Variants in SLC44A4 observed in about 807,000 individuals in gnomAD.
SLC44A4 encodes the protein choline transporter-like protein 4.
Under a neutral mutation model 97.0 loss-of-function variants are expected in SLC44A4, and 74 were observed. That is an observed-to-expected ratio of 0.76 (90% confidence interval 0.63 to 0.93). SLC44A4 has a LOEUF of 0.93. SLC44A4 is among the 40% of genes least tolerant of loss of function. SLC44A4 has a pLI of 0.00. For synonymous variants in SLC44A4, 325 were observed against 363.8 expected (o/e 0.89, Z 1.21); for missense variants, 799 against 902.9 (o/e 0.88, Z 1.48).
At chr6:31,869,014 C>G (rs1037135429) in intron 13 of SLC44A4, 141 bp downstream of exon 13, 2 of 628,890 alleles carry the variant, frequency 3.2e-6, no homozygotes, top group African/African-American at 3.7e-5. Flanking sequence ...TTTCTTCTAG[C>G]TCTGCTGGGG....
In SLC44A4 at chr6:31,865,173, G is replaced by T; in HGVS notation, c.1761-93C>A. Reference sequence around the variant, plus strand: ...TAATTTGTGGGGACTGGTGCAAAATGAAAATTGTTCACGTTTCAAGATGGC... The same window carrying T: ...TAATTTGTGGGGACTGGTGCAAAATTAAAATTGTTCACGTTTCAAGATGGC... On this transcript the variant is annotated intron_variant, in intron 17 of 20. Transcript: ENST00000229729. This position sits in a 1 kb window ranked among gnomAD's most constrained non-coding sequence, Gnocchi z 5.2. 6.4e-7 allele frequency: 1 copy of T among 1,550,956 alleles called. No homozygotes were observed. The highest frequency in any genetic ancestry group is 8.9e-7 in the Non-Finnish European group (1 of 1,123,122).
rs1316875424 is a variant in SLC44A4 at position 31,878,282 on chromosome 6, C to T, written c.40+659G>A. On this transcript the variant is annotated intron_variant, in intron 1 of 20. Transcript: ENST00000229729. The surrounding 1 kb of genome is among the most constrained non-coding windows in gnomAD (Gnocchi z 4.0). The stretch of plus-strand genomic sequence containing the variant: ...CCCCAAGACCAGCTCCTGCTCCTAG[C>T]TCCTCACAGAGACCCCTAGGCAGGA... 1.2e-4 allele frequency among the ~76,000 whole-genome samples: 18 copies of T among 151,972 alleles called. No individual in the cohort carries two copies. Among genetic ancestry groups the T allele is most frequent in the African/African-American group, 4.1e-4 (17 of 41,340 alleles).
Position 31,866,200 on chromosome 6 carries a change from C to A in SLC44A4, c.1234-74G>T, listed in dbSNP as rs530077281. 1.7e-4 allele frequency: 268 copies of A among 1,549,766 alleles called. No individual in the cohort carries two copies. In the African/African-American group the frequency reaches 3.0e-3, roughly 17 times the overall value. On this transcript the variant is annotated intron_variant, in intron 13 of 20. Transcript: ENST00000229729. Reference sequence around the variant, plus strand: ...GTATGGAGCCTGGGCGTCCCATTCCCAGTAGCTCCTGCCCCTCCCAGAGTT... The same window carrying A: ...GTATGGAGCCTGGGCGTCCCATTCCAAGTAGCTCCTGCCCCTCCCAGAGTT...
Position 31,877,558 on chromosome 6 carries a change from C to A in SLC44A4, c.41-476G>T. 1.0e-6 allele frequency: 1 copy of A among 992,152 alleles called. No homozygotes were observed. Among genetic ancestry groups the A allele is most frequent in the South Asian group, 4.6e-5 (1 of 21,774 alleles). 61.5% of individuals were successfully genotyped at this position (992,152 alleles called of 1,614,324 possible). A position where few individuals can be genotyped will look rare whatever the true frequency, so the allele number is the denominator to read the frequency against. On this transcript the variant is annotated intron_variant, in intron 1 of 20. Transcript: ENST00000229729. The surrounding 1 kb of genome is among the most constrained non-coding windows in gnomAD (Gnocchi z 6.5). ...TTCCCCTATCTGCCCCAGGCCCTAC[C>A]TTACCCTCTGGTTCAAGGCTATGGG...
At chr6:31,863,798 G>A in intron 20 of SLC44A4, 50 bp from the exon 21 acceptor site, 1 of 1,608,298 alleles carries the variant, frequency 6.2e-7, no homozygotes, top group Non-Finnish European at 8.5e-7. Flanking sequence ...CCAGGAAATC[G>A]GGGACTGGGA....
Position 31,867,063 on chromosome 6 carries a change from C to G in SLC44A4, c.1234-937G>C, listed in dbSNP as rs181761679. Among the ~76,000 whole-genome samples, 1,011 of 152,010 alleles carry G rather than the reference C, an allele frequency of 6.7e-3. 9 individuals are homozygous for G. The highest frequency in any genetic ancestry group is 0.023 in the African/African-American group (952 of 41,450). ...AAAAGTCACAAATTAAAAAGCAACCCTTTCTAGCAAATATAACCAAAAAAA... is the reference window on the plus strand; with the variant it reads ...AAAAGTCACAAATTAAAAAGCAACCGTTTCTAGCAAATATAACCAAAAAAA... On this transcript the variant is annotated intron_variant, in intron 13 of 20. Transcript: ENST00000229729.
In SLC44A4 at chr6:31,874,649, C is replaced by G; in HGVS notation, c.468+72G>C. 1 of 1,564,712 alleles carries G rather than the reference C, an allele frequency of 6.4e-7. No homozygotes were observed. Among genetic ancestry groups the G allele is most frequent in the East Asian group, 2.2e-5 (1 of 44,576 alleles). Reference sequence around the variant, plus strand: ...AGAGCCAACCTGGTGATGATCTACCCAACTCCCCCTCCCTCTCGTGCCCAC... The same window carrying G: ...AGAGCCAACCTGGTGATGATCTACCGAACTCCCCCTCCCTCTCGTGCCCAC... On this transcript the variant is annotated intron_variant, in intron 6 of 20. Coordinates refer to ENST00000229729, the MANE Select transcript of SLC44A4 (RefSeq NM_025257.3). This position sits in a 1 kb window ranked among gnomAD's most constrained non-coding sequence, Gnocchi z 4.8.
rs750457032 is a variant in SLC44A4, at chr6:31,870,851, T to G, written c.898A>C (p.Ser300Arg). Reference protein sequence around the residue: ...ISQLGFTTNLSAYQSVQETWL... With the variant: ...ISQLGFTTNLRAYQSVQETWL... ...GTCTCCTGCACGCTCTGGTAGGCAC[T>G]GAGGTTGGTGGTGAAACCCAGCTGG... The change falls in exon 10 of 21, where the codon AGT becomes CGT. Residue 300 changes from serine to arginine, a missense_variant. Coordinates refer to ENST00000229729, the MANE Select transcript of SLC44A4 (RefSeq NM_025257.3). 6.2e-7 allele frequency: 1 copy of G among 1,613,022 alleles called. No individual in the cohort carries two copies. The highest frequency in any genetic ancestry group is 1.1e-5 in the South Asian group (1 of 91,082).
rs116748007 is a variant in SLC44A4, at chr6:31,869,178, T to C, written c.1210A>G (p.Ile404Val). 1.2e-6 allele frequency: 2 copies of C among 1,610,584 alleles called. No individual in the cohort carries two copies. Among genetic ancestry groups the C allele is most frequent in the East Asian group, 2.2e-5 (1 of 44,848 alleles). ...ACCGTGGGGTTGCATGATGTATTTA[T>C]TGGCACTTTCTCACAGCCGGGGGAG... ...ISSPGCEKVP[I>V]NTSCNPTAHL... is the part of the protein sequence containing the mutation. The change falls in exon 13 of 21, where the codon ATA (isoleucine) becomes GTA (valine). Residue 404 changes from isoleucine to valine, a missense_variant. Transcript: ENST00000229729.
rs1044696110 is a variant in SLC44A4, at chr6:31,878,412, G to C, written c.40+529C>G. Among the ~76,000 whole-genome samples the C allele has an allele frequency of 2.0e-5, 3 of 151,706 alleles. No homozygotes were observed. The highest frequency in any genetic ancestry group is 4.4e-5 in the Non-Finnish European group (3 of 67,936). On this transcript the variant is annotated intron_variant, in intron 1 of 20. Coordinates refer to ENST00000229729, the MANE Select transcript of SLC44A4 (RefSeq NM_025257.3). The surrounding 1 kb of genome is among the most constrained non-coding windows in gnomAD (Gnocchi z 4.0). ...TCTCCCAGAGACCCTGGCAGGCAGA[G>C]GCCAGCCCACTCAGGGTCCCCTCAC...
chr6:31,869,217 C>T lies in SLC44A4; in HGVS notation c.1171G>A (p.Ala391Thr), dbSNP rs146294980. 6.2e-7 allele frequency: 1 copy of T among 1,610,252 alleles called. No homozygotes were observed. ...CAGCCGGGGGAGCTGATGTTGGATG[C>T]CCAGAGCACATACTGGGGTTGCCCC... ...TSGQPQYVLW[A>T]SNISSPGCEK... The change falls in exon 13 of 21, where the codon GCA (alanine) becomes ACA (threonine). Residue 391 changes from alanine to threonine, a missense_variant. Physicochemically the swap from Ala to Thr is moderately conservative, Grantham distance 58. Transcript: ENST00000229729.
In SLC44A4 at chr6:31,878,866, C is replaced by A; in HGVS notation, c.40+75G>T. Reference sequence around the variant, plus strand: ...TCTCCTTAGTTCCTCTCCCTGGAGCCAGCCCCAGACACCATTCCCAAAGTA... The same window carrying A: ...TCTCCTTAGTTCCTCTCCCTGGAGCAAGCCCCAGACACCATTCCCAAAGTA... On this transcript the variant is annotated intron_variant, in intron 1 of 20. Transcript: ENST00000229729. The surrounding 1 kb of genome is among the most constrained non-coding windows in gnomAD (Gnocchi z 4.0). 1 of 1,506,978 alleles carries A rather than the reference C, an allele frequency of 6.6e-7. No homozygotes were observed. Among genetic ancestry groups the A allele is most frequent in the Non-Finnish European group, 9.2e-7 (1 of 1,082,750 alleles). The allele number at this position is 1,506,978 out of a possible 1,614,324, so 93.4% of individuals were successfully genotyped here.
Position 31,865,776 on chromosome 6 carries a change from G to C in SLC44A4, c.1496C>G (p.Thr499Ser). 1.2e-6 allele frequency: 2 copies of C among 1,613,886 alleles called. No homozygotes were observed. Among genetic ancestry groups the C allele is most frequent in the South Asian group, 2.2e-5 (2 of 91,088 alleles). ...GAGGGCTCCAAATGCCAATGACCCAGTGTGGTAACTGCAGAGGGTGTTATG... is the reference window on the plus strand; with the variant it reads ...GAGGGCTCCAAATGCCAATGACCCACTGTGGTAACTGCAGAGGGTGTTATG... Reference protein sequence around the residue: ...SAFIRTLRYHTGSLAFGALIL... With the variant: ...SAFIRTLRYHSGSLAFGALIL... Residue 499 changes from threonine (T) to serine (S), a missense_variant, in exon 15 of 21, where the codon ACT (threonine) becomes AGT (serine). This residue lies in a region of SLC44A4 where 379 missense variants were observed against 438.3 expected (regional missense o/e 0.86). Transcript: ENST00000229729. The surrounding 1 kb of genome is among the most constrained non-coding windows in gnomAD (Gnocchi z 5.2).
Position 31,878,897 on chromosome 6 carries a change from C to T in SLC44A4, c.40+44G>A. The T allele has an allele frequency of 6.2e-7, 1 of 1,604,796 alleles. No homozygotes were observed. ...CAGACACCATTCCCAAAGTACCCGT[C>T]CTCCCCTCCCTCCACAGGGTCCCGG... On this transcript the variant is annotated intron_variant, in intron 1 of 20. Coordinates refer to ENST00000229729, the MANE Select transcript of SLC44A4 (RefSeq NM_025257.3). This position sits in a 1 kb window ranked among gnomAD's most constrained non-coding sequence, Gnocchi z 4.0.
chr6:31,865,925 G>A lies in SLC44A4; in HGVS notation c.1435C>T (p.Pro479Ser). The change falls in exon 14 of 21, where the codon CCC (proline) becomes TCC (serine). Residue 479 changes from proline (P) to serine (S), a missense_variant. By Grantham distance (74) the Pro-to-Ser change is moderately conservative. Transcript: ENST00000229729. The surrounding 1 kb of genome is among the most constrained non-coding windows in gnomAD (Gnocchi z 5.2). ...AAGGGGAAGGTAGGGATGTCCTGGGGCTTGTGGAAGGCCCAGTAGAAGGAG... is the reference window on the plus strand; with the variant it reads ...AAGGGGAAGGTAGGGATGTCCTGGGACTTGTGGAAGGCCCAGTAGAAGGAG... ...FASFYWAFHK[P>S]QDIPTFPLIS... 6.2e-7 allele frequency: 1 copy of A among 1,614,238 alleles called. No homozygotes were observed. Among genetic ancestry groups the A allele is most frequent in the Non-Finnish European group, 8.5e-7 (1 of 1,180,042 alleles).
At chr6:31,869,281 TG>T in intron 12 of SLC44A4, 24 bp from the exon 13 acceptor site, 1 of 1,571,596 alleles carries the variant, frequency 6.4e-7, no homozygotes, top group Non-Finnish European at 8.7e-7. Context: ...AAGGAAAGCA[TG>T]ATCACACGAG....
At chr6:31,868,331 C>T (rs892353023) in intron 13 of SLC44A4, among the ~76,000 whole-genome samples, 1 of 152,218 alleles carries the variant, frequency 6.6e-6, no homozygotes, top group Non-Finnish European at 1.5e-5. Flanking sequence ...GCTCTGTGTT[C>T]CAAGGGAGTA....
Position 31,865,086 on chromosome 6 carries a change from C to T in SLC44A4, c.1761-6G>A. On this transcript the variant is annotated splice_region_variant and splice_polypyrimidine_tract_variant and intron_variant, in intron 17 of 20. Transcript: ENST00000229729. The surrounding 1 kb of genome is among the most constrained non-coding windows in gnomAD (Gnocchi z 5.2). Reference sequence around the variant, plus strand: ...CTTTGTCCAGGACGACCACCCTGTGCCAGAAGTTAGGGCAGGTTGAGGGTG... The same window carrying T: ...CTTTGTCCAGGACGACCACCCTGTGTCAGAAGTTAGGGCAGGTTGAGGGTG... 1 of 1,613,332 alleles carries T rather than the reference C, an allele frequency of 6.2e-7. No homozygotes were observed. The highest frequency in any genetic ancestry group is 8.5e-7 in the Non-Finnish European group (1 of 1,180,030).
Position 31,877,126 on chromosome 6 carries a change from C to T in SLC44A4, c.41-44G>A. The T allele has an allele frequency of 3.2e-6, 5 of 1,584,628 alleles. No homozygotes were observed. The highest frequency in any genetic ancestry group is 4.3e-6 in the Non-Finnish European group (5 of 1,162,238). ...GGTGTGGAGGATGAGTCTCTCTCTG[C>T]ATATCTTGTCCTGCTGAGTCCTCCT... On this transcript the variant is annotated intron_variant, in intron 1 of 20. Coordinates refer to ENST00000229729, the MANE Select transcript of SLC44A4 (RefSeq NM_025257.3). This position sits in a 1 kb window ranked among gnomAD's most constrained non-coding sequence, Gnocchi z 6.5.
Sources: allele counts gnomAD v4.1 joint callset (sites outside exome capture counted in the v4.1 genomes callset), GRCh38; gene constraint gnomAD v4.1.1; regional missense constraint gnomAD v4.1.1; non-coding constraint Gnocchi (gnomAD v3.1); transcripts MANE v1.5; gene names NCBI Gene and HGNC (gene_info 2026-07-23, HGNC 2026-07-21).